PDE4D: variants seen among roughly 807,000 people sequenced by gnomAD.
PDE4D encodes phosphodiesterase 4D.
A neutral mutation model predicts 87.4 loss-of-function variants in PDE4D; 24 were observed. That is an observed-to-expected ratio of 0.27 (90% CI 0.20 to 0.39). The LOEUF (loss-of-function observed/expected upper bound fraction) is 0.39, where lower values mean the gene tolerates loss of function less well. PDE4D is among the 10% of genes least tolerant of loss of function. The pLI is 1.00. For missense variants in PDE4D, 714 were observed against 1,041.0 expected, an observed-to-expected ratio of 0.69 and a Z score of 4.32; for synonymous variants, 384 against 383.2, an observed-to-expected ratio of 1.00 and a Z score of -0.02.
chr5:60,405,435 T>C (rs1291070004), intron 1 of PDE4D, among the ~76,000 whole-genome samples: 1 of 152,238 alleles, frequency 6.6e-6, no homozygotes, highest in Non-Finnish European at 1.5e-5. Context: ...GGACTGAATC[T>C]GTAACTGGCG....
At chr5:59,907,361 T>C (rs1752956072) in intron 3 of PDE4D, among the ~76,000 whole-genome samples, 1 of 152,160 alleles carries the variant, frequency 6.6e-6, no homozygotes, top group Non-Finnish European at 1.5e-5. Context: ...TTCTCATTTA[T>C]AAGTGGGAGC....
intron 1 of PDE4D, among the ~76,000 whole-genome samples, chr5:59,383,278 C>A (rs1179386251): frequency 6.6e-6 from 1 of 151,366 alleles, no homozygotes; most frequent in Non-Finnish European, 1.5e-5. Context: ...CACTTATGTC[C>A]CCTCACTGCA....
chr5:60,125,749 C>G (rs1779075659), intron 2 of PDE4D, among the ~76,000 whole-genome samples: 1 of 152,140 alleles, frequency 6.6e-6, no homozygotes, highest in East Asian at 1.9e-4. Flanking sequence ...TTCTGGTACA[C>G]AATTGGAATC....
intron 1 of PDE4D, among the ~76,000 whole-genome samples, chr5:59,889,275 C>G (rs767917438): frequency 7.1e-6 from 1 of 140,552 alleles, no homozygotes. Context: ...ATATAATATG[C>G]GCAGAATTTA....
At chr5:59,478,095 T>C (rs1242868763) in intron 1 of PDE4D, among the ~76,000 whole-genome samples, 1 of 152,016 alleles carries the variant, frequency 6.6e-6, no homozygotes, top group Admixed American at 6.6e-5. Flanking sequence ...TTGGATGCTA[T>C]GCTCACTATC....
At chr5:59,868,389 T>A (rs1747352733) in intron 1 of PDE4D, among the ~76,000 whole-genome samples, 1 of 152,158 alleles carries the variant, frequency 6.6e-6, no homozygotes, top group Non-Finnish European at 1.5e-5. Context: ...TTCAATCTGT[T>A]ATGAAATAAT....
intron 1 of PDE4D, among the ~76,000 whole-genome samples, chr5:59,739,071 T>C (rs1758488940): frequency 6.6e-6 from 1 of 152,088 alleles, no homozygotes; most frequent in Non-Finnish European, 1.5e-5. Context: ...TAAAAAGCAA[T>C]GTAATAAATT....
intron 1 of PDE4D, among the ~76,000 whole-genome samples, chr5:59,867,833 A>T (rs185195721): frequency 3.9e-4 from 59 of 152,324 alleles, no homozygotes; most frequent in Non-Finnish European, 6.9e-4. Context: ...GAAGCAGAAT[A>T]TGATATATTA....
intron 1 of PDE4D, chr5:59,275,302 A>G: frequency 6.5e-7 from 1 of 1,538,376 alleles, no homozygotes; most frequent in Non-Finnish European, 8.9e-7. Context: ...ATCTTAAAAG[A>G]GAAAAGGGGA....
intron 1 of PDE4D, among the ~76,000 whole-genome samples, chr5:59,805,090 G>T (rs1474223414): frequency 6.6e-6 from 1 of 152,144 alleles, no homozygotes; most frequent in Admixed American, 6.5e-5. Flanking sequence ...ACCGTGCCCT[G>T]CCACATTCTG....
chr5:60,103,463 C>T (rs936213733), intron 2 of PDE4D, among the ~76,000 whole-genome samples: 22 of 152,124 alleles, frequency 1.4e-4, no homozygotes, highest in African/African-American at 4.8e-4. Flanking sequence ...ATATTACTAG[C>T]ATATGGTAGA....
intron 1 of PDE4D, among the ~76,000 whole-genome samples, chr5:59,360,467 T>C (rs1371182492): frequency 6.6e-6 from 1 of 152,158 alleles, no homozygotes; most frequent in Non-Finnish European, 1.5e-5. Flanking sequence ...CTACTTCTGA[T>C]GAGGGTGTCG....
chr5:60,180,870 G>T (rs76189241), intron 2 of PDE4D, among the ~76,000 whole-genome samples: 53 of 152,144 alleles, frequency 3.5e-4, no homozygotes, highest in African/African-American at 1.2e-3. Context: ...CCTGCTGAGT[G>T]AATACCAGTG....
intron 3 of PDE4D, among the ~76,000 whole-genome samples, chr5:59,935,977 C>T (rs1229172858): frequency 5.9e-5 from 9 of 152,294 alleles, no homozygotes; most frequent in Admixed American, 2.6e-4. Flanking sequence ...TACCCAGTAA[C>T]AGAATGGCTG....
intron 1 of PDE4D, among the ~76,000 whole-genome samples, chr5:59,285,253 TC>T (rs971916605): frequency 5.9e-5 from 9 of 151,560 alleles, no homozygotes; most frequent in Admixed American, 2.0e-4. Flanking sequence ...GGCTTCTGCA[TC>T]TTTGTATTCA....
rs1746087944 is a variant in PDE4D at position 60,451,428 on chromosome 5, A to C, written c.-90+36514T>G. 2.0e-5 allele frequency among the ~76,000 whole-genome samples: 3 copies of C among 151,998 alleles called. 1 individual carries two copies. In the South Asian group the frequency reaches 6.2e-4, roughly 31 times the overall value. The stretch of plus-strand genomic sequence containing the variant: ...CTTTTTTGGCCTCTTTGCTACTTCT[A>C]TAATAACACAAGTTTACTCCAAGTG... On this transcript the variant is annotated intron_variant, in intron 1 of 16. Coordinates refer to the PDE4D transcript ENST00000502484.
At chr5:59,659,957 G>A (rs1270571843) in intron 1 of PDE4D, among the ~76,000 whole-genome samples, 1 of 152,118 alleles carries the variant, frequency 6.6e-6, no homozygotes, top group African/African-American at 2.4e-5. Context: ...GGCCGAGATG[G>A]GTGGATTGCT....
intron 1 of PDE4D, among the ~76,000 whole-genome samples, chr5:59,468,868 G>A (rs1172570912): frequency 6.6e-6 from 1 of 152,156 alleles, no homozygotes; most frequent in East Asian, 1.9e-4. Context: ...AGAGCATCAT[G>A]AAGAGTGCAT....
At chr5:59,477,373 A>AAATAT (rs1554190139) in intron 1 of PDE4D, among the ~76,000 whole-genome samples, 6 of 143,052 alleles carry the variant, frequency 4.2e-5, no homozygotes, top group South Asian at 2.1e-4. Flanking sequence ...AAAAAAAAAA[A>AAATAT]ATTAAAGAAT....
Sources: gnomAD v4.1 joint callset for allele counts (sites outside exome capture counted in the v4.1 genomes callset) on GRCh38, gnomAD v4.1.1 for gene constraint, MANE v1.5 for transcripts, NCBI Gene and HGNC (gene_info 2026-07-23, HGNC 2026-07-21) for gene names.